DNAJC24: variants seen among roughly 807,000 people sequenced by gnomAD.
DNAJC24 encodes the protein DnaJ heat shock protein family (Hsp40) member C24.
A neutral mutation model predicts 18.0 loss-of-function variants in DNAJC24; 17 were observed. The observed-to-expected ratio is 0.94, with a 90% CI of 0.65 to 1.42. DNAJC24 has a LOEUF of 1.42. Ranked by LOEUF, DNAJC24 falls within the 40% of genes most tolerant of loss-of-function variation. DNAJC24 has a pLI of 0.00. For synonymous variants in DNAJC24, 55 were observed against 57.7 expected (o/e 0.95, Z 0.21); for missense variants, 158 against 175.6 (o/e 0.90, Z 0.57).
chr11:31,400,581 A>G (rs1952591034), intron 2 of DNAJC24, among the ~76,000 whole-genome samples: 1 of 152,206 alleles, frequency 6.6e-6, no homozygotes, highest in Non-Finnish European at 1.5e-5. Context: ...CCACACATCT[A>G]CAACCATCTG....
intron 2 of DNAJC24, among the ~76,000 whole-genome samples, chr11:31,376,798 T>G (rs1952319800): frequency 6.6e-6 from 1 of 152,190 alleles, no homozygotes; most frequent in Non-Finnish European, 1.5e-5. Flanking sequence ...CACAGTTAAT[T>G]AAGTATTATG....
chr11:31,407,141 G>A (rs959098903), intron 2 of DNAJC24, among the ~76,000 whole-genome samples: 3 of 152,122 alleles, frequency 2.0e-5, no homozygotes, highest in Non-Finnish European at 4.4e-5. Context: ...AATACATAGG[G>A]AAAACCAAAG....
chr11:31,384,406 A>G (rs1322561924), intron 2 of DNAJC24, among the ~76,000 whole-genome samples: 1 of 152,136 alleles, frequency 6.6e-6, no homozygotes, highest in South Asian at 2.1e-4. Flanking sequence ...TGTCTTAGTT[A>G]TTTTTGTATC....
intron 2 of DNAJC24, among the ~76,000 whole-genome samples, chr11:31,386,909 G>C (rs1376409606): frequency 1.3e-5 from 2 of 152,034 alleles, no homozygotes; most frequent in Admixed American, 1.3e-4. Flanking sequence ...TTCACCCCAA[G>C]CTGACTGAAG....
chr11:31,412,345 G>A (rs1456213710), intron 2 of DNAJC24, among the ~76,000 whole-genome samples: 2 of 152,062 alleles, frequency 1.3e-5, no homozygotes, highest in Non-Finnish European at 2.9e-5. Flanking sequence ...TTTAGAACAA[G>A]TTCTCCAGGG....
At chr11:31,382,847 T>C (rs1406188201) in intron 2 of DNAJC24, among the ~76,000 whole-genome samples, 1 of 152,156 alleles carries the variant, frequency 6.6e-6, no homozygotes, top group Non-Finnish European at 1.5e-5. Flanking sequence ...AAGACTCCCC[T>C]CCATGTTAGG....
Position 31,379,441 on chromosome 11 carries a change from G to A in DNAJC24, c.111+8582G>A, listed in dbSNP as rs528982052. ...GGAAAAATTGTTTTCCACAAAACTG[G>A]TCCCTGGTGCCAAAAAGGTTGGGGA... On this transcript the variant is annotated intron_variant, in intron 2 of 4. Coordinates refer to ENST00000465995, the MANE Select transcript of DNAJC24 (RefSeq NM_181706.5). 3.3e-5 allele frequency among the ~76,000 whole-genome samples: 5 copies of A among 152,188 alleles called. No homozygotes were observed. The South Asian group carries it at 1.0e-3, about 32-fold the overall frequency.
intron 2 of DNAJC24, among the ~76,000 whole-genome samples, chr11:31,399,815 A>G (rs1952583043): frequency 6.9e-6 from 1 of 144,194 alleles, no homozygotes; most frequent in Non-Finnish European, 1.5e-5. Context: ...ACATAGGTAT[A>G]CATGTGCCAT....
chr11:31,416,203 A>C (rs1384681066), intron 3 of DNAJC24: 2 of 152,158 alleles, frequency 1.3e-5, no homozygotes, highest in Admixed American at 1.3e-4. Context: ...GCAAAGGTTA[A>C]TTTTCAAAAA....
chr11:31,395,594 T>A (rs1057039052), intron 2 of DNAJC24, among the ~76,000 whole-genome samples: 27 of 152,200 alleles, frequency 1.8e-4, no homozygotes, highest in African/African-American at 6.0e-4. Context: ...AAAATTTAAA[T>A]TTTGTTCAAA....
At chr11:31,385,879 C>T (rs1365934220) in intron 2 of DNAJC24, among the ~76,000 whole-genome samples, 1 of 152,140 alleles carries the variant, frequency 6.6e-6, no homozygotes, top group African/African-American at 2.4e-5. Flanking sequence ...ATCACCTACA[C>T]CATCTCTCCC....
intron 2 of DNAJC24, among the ~76,000 whole-genome samples, chr11:31,381,508 G>C (rs894116329): frequency 3.3e-5 from 5 of 151,800 alleles, no homozygotes; most frequent in Admixed American, 2.6e-4. Flanking sequence ...GTCTGGAAAA[G>C]ACATATCTTT....
At position 31,370,809 on chromosome 11, in the gene DNAJC24, T is replaced by G; in HGVS notation, c.61T>G (p.Ser21Ala). The change falls in exon 2 of 5, where the codon TCT becomes GCT. Residue 21 changes from serine to alanine, a missense_variant. Physicochemically the swap from Ser to Ala is moderately conservative, Grantham distance 99 (BLOSUM62 1). Coordinates refer to ENST00000465995, the MANE Select transcript of DNAJC24 (RefSeq NM_181706.5). ...GTACAGCATCCTGGGAGCAGACCCA[T>G]CTGCAAATATATCAGACCTAAAACA... ...DWYSILGADP[S>A]ANISDLKQKY... 1 of 1,613,108 alleles carries G rather than the reference T, an allele frequency of 6.2e-7. No homozygotes were observed. Among genetic ancestry groups the G allele is most frequent in the Non-Finnish European group, 8.5e-7 (1 of 1,179,674 alleles).
intron 2 of DNAJC24, among the ~76,000 whole-genome samples, chr11:31,392,383 A>G (rs1240124864): frequency 2.0e-5 from 3 of 152,146 alleles, no homozygotes; most frequent in Non-Finnish European, 4.4e-5. Flanking sequence ...TAAACCTAGT[A>G]TGTACTCATA....
chr11:31,377,092 A>G (rs1952323508), intron 2 of DNAJC24, among the ~76,000 whole-genome samples: 1 of 152,156 alleles, frequency 6.6e-6, no homozygotes, highest in Non-Finnish European at 1.5e-5. Flanking sequence ...TTGGAGAATA[A>G]AATTACATTT....
chr11:31,390,958 G>A (rs1409296599), intron 2 of DNAJC24, among the ~76,000 whole-genome samples: 2 of 152,056 alleles, frequency 1.3e-5, no homozygotes, highest in Non-Finnish European at 2.9e-5. Context: ...TGACGTAAAA[G>A]TCCTCAACAG....
At chr11:31,426,038 T>G (rs1447524744) in intron 3 of DNAJC24, among the ~76,000 whole-genome samples, 1 of 152,214 alleles carries the variant, frequency 6.6e-6, no homozygotes, top group African/African-American at 2.4e-5. Context: ...TGCCTTTCCA[T>G]GTTGCATGAT....
intron 2 of DNAJC24, among the ~76,000 whole-genome samples, chr11:31,394,530 T>C (rs1214208648): frequency 6.6e-6 from 1 of 152,042 alleles, no homozygotes; most frequent in Non-Finnish European, 1.5e-5. Flanking sequence ...TGTTTTTTTT[T>C]CATAATGCAG....
chr11:31,428,732 T>C (rs1169699177), intron 4 of DNAJC24, among the ~76,000 whole-genome samples: 2 of 152,232 alleles, frequency 1.3e-5, no homozygotes, highest in Non-Finnish European at 2.9e-5. Flanking sequence ...TTATATGCCT[T>C]GGTCATTTTG....
Sources: gnomAD v4.1 joint callset for allele counts (sites outside exome capture counted in the v4.1 genomes callset) on GRCh38, gnomAD v4.1.1 for gene constraint, MANE v1.5 for transcripts, NCBI Gene and HGNC (gene_info 2026-07-23, HGNC 2026-07-21) for gene names.